The following SMG6 variants were observed in gnomAD, a reference collection of about 807,000 sequenced individuals.
The protein encoded by SMG6 is telomerase-binding protein EST1A.
SMG6 carries 66 observed loss-of-function variants against 142.2 expected under a neutral mutation model. That is an observed-to-expected ratio of 0.46 (90% CI 0.38 to 0.57). The LOEUF is 0.57. SMG6 is among the 20% of genes least tolerant of loss of function. SMG6 has a pLI of 0.00. For missense variants in SMG6, 1,793 were observed against 1,832.0 expected (o/e 0.98, Z 0.39); for synonymous variants, 779 against 702.4 (o/e 1.11, Z -1.72).
chr17:2,298,144 TC>T, intron 2 of SMG6, 89 bp from the exon 3 acceptor site: 7 of 1,212,492 alleles, frequency 5.8e-6, no homozygotes, highest in Non-Finnish European at 7.9e-6. Flanking sequence ...ATTAACCACC[TC>T]CCCTGGCAGG....
chr17:2,085,710 C>A lies in SMG6; in HGVS notation c.3534+15G>T. 1 of 1,605,744 alleles carries A rather than the reference C, an allele frequency of 6.2e-7. No individual in the cohort carries two copies. Among genetic ancestry groups the A allele is most frequent in the Non-Finnish European group, 8.5e-7 (1 of 1,175,928 alleles). The stretch of plus-strand genomic sequence containing the variant: ...GGCCTTCCCTCTGCCACAGCGGGCT[C>A]TTCCCGCATAGTACCTCATCTTCCA... On this transcript the variant is annotated intron_variant, in intron 14 of 18. Coordinates refer to ENST00000263073, the MANE Select transcript of SMG6 (RefSeq NM_017575.5). The surrounding 1 kb of genome is among the most constrained non-coding windows in gnomAD (Gnocchi z 4.1).
chr17:2,236,625 G>C lies in SMG6; in HGVS notation c.2736C>G (p.Phe912Leu), dbSNP rs760009257. 4.3e-6 allele frequency: 7 copies of C among 1,612,172 alleles called. No individual in the cohort carries two copies. The highest frequency in any genetic ancestry group is 5.1e-6 in the Non-Finnish European group (6 of 1,179,198). Residue 912 changes from phenylalanine (F) to leucine (L), a missense_variant, in exon 10 of 19, where the codon TTC becomes TTG. This residue lies in a region of SMG6 where 1,597 missense variants were observed against 1,584.6 expected (regional missense o/e 1.01). Transcript: ENST00000263073. ...TGAGGACCTTCTCAGCCACTGCAGG[G>C]AATGTCTCCATCCTGCAGATTCAGA... is the stretch of plus-strand genomic sequence containing the variant. ...KLFTRIGMET[F>L]PAVAEKVLKE...
chr17:2,099,056 G>A (rs2068936602), intron 13 of SMG6, among the ~76,000 whole-genome samples: 1 of 152,164 alleles, frequency 6.6e-6, no homozygotes, highest in Non-Finnish European at 1.5e-5. Flanking sequence ...GTGTTTGTGT[G>A]TGTGCTTAAA....
intron 13 of SMG6, among the ~76,000 whole-genome samples, chr17:2,094,258 CT>C (rs948529092): frequency 6.6e-6 from 1 of 152,034 alleles, no homozygotes; most frequent in Non-Finnish European, 1.5e-5. Context: ...AACTTTCTTT[CT>C]TTTTTTCTGA....
intron 13 of SMG6, among the ~76,000 whole-genome samples, chr17:2,168,982 G>A (rs897614020): frequency 2.6e-5 from 4 of 151,572 alleles, no homozygotes; most frequent in African/African-American, 9.7e-5. Flanking sequence ...TCCTGACCTC[G>A]TGATCCGCCT....
At chr17:2,082,269 T>C in intron 14 of SMG6, 1 of 275,820 alleles carries the variant, frequency 3.6e-6, no homozygotes, top group Non-Finnish European at 6.9e-6. Context: ...TGGTACACAC[T>C]CACAAAGTCA....
At chr17:2,216,970 G>A (rs1362353127) in intron 10 of SMG6, among the ~76,000 whole-genome samples, 2 of 152,042 alleles carry the variant, frequency 1.3e-5, no homozygotes, top group East Asian at 3.8e-4. Context: ...TGAAATTCAA[G>A]TTCAAAATAA....
intron 12 of SMG6, among the ~76,000 whole-genome samples, chr17:2,173,524 C>T (rs2071568324): frequency 2.0e-5 from 3 of 152,162 alleles, no homozygotes; most frequent in African/African-American, 7.2e-5. Flanking sequence ...TCTCCTTTCT[C>T]TCATTTGTGG....
At chr17:2,233,879 A>T (rs1334476362) in intron 10 of SMG6, among the ~76,000 whole-genome samples, 5 of 152,164 alleles carry the variant, frequency 3.3e-5, no homozygotes, top group Non-Finnish European at 7.4e-5. Flanking sequence ...CCTCAGCTGC[A>T]CACTGGGTAC....
chr17:2,207,485 G>T (rs1303261993), intron 10 of SMG6, among the ~76,000 whole-genome samples: 1 of 152,082 alleles, frequency 6.6e-6, no homozygotes, highest in Non-Finnish European at 1.5e-5. Context: ...AGCTGATCAT[G>T]AACGATCCAT....
At chr17:2,248,616 C>T (rs532310476) in intron 8 of SMG6, among the ~76,000 whole-genome samples, 2 of 152,302 alleles carry the variant, frequency 1.3e-5, no homozygotes, top group South Asian at 4.1e-4. Flanking sequence ...AAGAAAATCT[C>T]AGATAACCTT....
intron 15 of SMG6, 44 bp downstream of exon 15, chr17:2,081,766 A>G: frequency 6.2e-7 from 1 of 1,607,624 alleles, no homozygotes; most frequent in South Asian, 1.1e-5. Context: ...TGCCCTAGAC[A>G]GCAACCCCCA....
intron 8 of SMG6, among the ~76,000 whole-genome samples, chr17:2,255,282 T>C (rs909692572): frequency 7.3e-5 from 11 of 149,914 alleles, no homozygotes; most frequent in Admixed American, 5.3e-4. Context: ...CGGGCGCCTG[T>C]AGTCCCAGCT....
chr17:2,194,904 C>T (rs1300497787), intron 10 of SMG6, among the ~76,000 whole-genome samples: 5 of 152,110 alleles, frequency 3.3e-5, no homozygotes, highest in Admixed American at 1.3e-4. Flanking sequence ...AAACTCAGGA[C>T]TGCAAAACAC....
At chr17:2,184,960 CAA>C (rs58230459) in intron 12 of SMG6, among the ~76,000 whole-genome samples, 2 of 22,474 alleles carry the variant, frequency 8.9e-5, no homozygotes, top group African/African-American at 2.4e-4. Context: ...GACTCCATCT[CAA>C]AAAAAAAAAA....
In SMG6 at chr17:2,085,681, AGGGGGCCTTCCCTCTGCC is replaced by A; in HGVS notation, c.3534+26_3534+43del. The A allele has an allele frequency of 6.4e-7, 1 of 1,568,504 alleles. No individual in the cohort carries two copies. The highest frequency in any genetic ancestry group is 1.1e-5 in the South Asian group (1 of 87,034). On this transcript the variant is annotated intron_variant, in intron 14 of 18. Transcript: ENST00000263073. This position sits in a 1 kb window ranked among gnomAD's most constrained non-coding sequence, Gnocchi z 4.1. The stretch of plus-strand genomic sequence containing the variant: ...AGCTGAAGCCACGAGCAGAATGGGG[AGGGGGCCTTCCCTCTGCC>A]ACAGCGGGCTCTTCCCGCATAGTAC...
chr17:2,133,570 T>C (rs1349180313), intron 13 of SMG6, among the ~76,000 whole-genome samples: 1 of 152,150 alleles, frequency 6.6e-6, no homozygotes, highest in African/African-American at 2.4e-5. Context: ...AGGGTCTCAA[T>C]ATGTCACCCA....
At chr17:2,121,832 GTCTTT>G (rs530714741) in intron 13 of SMG6, among the ~76,000 whole-genome samples, 77 of 151,986 alleles carry the variant, frequency 5.1e-4, no homozygotes, top group Non-Finnish European at 7.2e-4. Flanking sequence ...GCCCAGGCTG[GTCTTT>G]TCTTTTCTTT....
intron 10 of SMG6, among the ~76,000 whole-genome samples, chr17:2,231,472 C>T (rs775197809): frequency 4.9e-4 from 75 of 152,166 alleles, no homozygotes; most frequent in African/African-American, 1.7e-3. Context: ...CCGAGGCGGA[C>T]GGATCACGAA....
Sources: gnomAD v4.1 joint callset for allele counts (sites outside exome capture counted in the v4.1 genomes callset) on GRCh38, gnomAD v4.1.1 for gene constraint, gnomAD v4.1.1 regional missense constraint, Gnocchi (gnomAD v3.1) non-coding constraint, MANE v1.5 for transcripts, NCBI Gene and HGNC (gene_info 2026-07-23, HGNC 2026-07-21) for gene names.